Variants in DLG2 observed in about 807,000 individuals in gnomAD.
DLG2 encodes the protein discs large MAGUK scaffold protein 2, also known as disks large homolog 2.
DLG2 carries 45 observed loss-of-function variants against 132.5 expected under a neutral mutation model. The ratio of observed to expected loss-of-function variants is 0.34; its 90% CI spans 0.27 to 0.44. DLG2 has a LOEUF of 0.44. DLG2 is among the 20% of genes least tolerant of loss of function. The pLI is 1.00. For synonymous variants in DLG2, 424 were observed against 419.6 expected (o/e 1.01, Z -0.13); for missense variants, 1,045 against 1,196.9 (o/e 0.87, Z 1.87).
chr11:84,773,141 A>G (rs2069721354), intron 6 of DLG2, among the ~76,000 whole-genome samples: 3 of 152,314 alleles, frequency 2.0e-5, no homozygotes, highest in African/African-American at 7.2e-5. Context: ...TCCAGAAACC[A>G]TTATGAACAC....
intron 6 of DLG2, among the ~76,000 whole-genome samples, chr11:84,840,952 G>A (rs1005004772): frequency 1.3e-5 from 2 of 150,118 alleles, no homozygotes; most frequent in Non-Finnish European, 3.0e-5. Context: ...ACAAACCTAC[G>A]TGTTGTGCTC....
chr11:85,062,186 C>A (rs1190163177), intron 6 of DLG2, among the ~76,000 whole-genome samples: 1 of 151,360 alleles, frequency 6.6e-6, no homozygotes, highest in Non-Finnish European at 1.5e-5. Flanking sequence ...GCTCTCTGAG[C>A]AATTCAGAAA....
At chr11:85,160,120 C>T (rs545383419) in intron 4 of DLG2, among the ~76,000 whole-genome samples, 113 of 152,168 alleles carry the variant, frequency 7.4e-4, no homozygotes, top group Non-Finnish European at 1.2e-3. Flanking sequence ...CCTCCTACAA[C>T]CAAGAAGGAG....
chr11:85,253,152 C>T (rs1484451497), intron 4 of DLG2, among the ~76,000 whole-genome samples: 3 of 152,134 alleles, frequency 2.0e-5, no homozygotes, highest in South Asian at 2.1e-4. Context: ...ATGATTTCTA[C>T]ACATTTTCTA....
intron 6 of DLG2, among the ~76,000 whole-genome samples, chr11:84,814,539 C>A (rs1029404818): frequency 5.9e-5 from 9 of 152,006 alleles, no homozygotes; most frequent in African/African-American, 1.9e-4. Context: ...GCCTTCCAGC[C>A]CCCACTGTTA....
At chr11:83,582,506 C>A (rs955996779) in intron 19 of DLG2, among the ~76,000 whole-genome samples, 4 of 152,194 alleles carry the variant, frequency 2.6e-5, no homozygotes, top group Non-Finnish European at 5.9e-5. Context: ...AAGACATTCT[C>A]AGTATCCTCA....
intron 9 of DLG2, among the ~76,000 whole-genome samples, chr11:84,157,512 C>T (rs577516204): frequency 6.6e-6 from 1 of 152,266 alleles, no homozygotes; most frequent in East Asian, 1.9e-4. Context: ...TTCTCTGCAG[C>T]TTCAGACTAC....
intron 6 of DLG2, among the ~76,000 whole-genome samples, chr11:84,998,073 G>A (rs978739786): frequency 6.6e-6 from 1 of 151,884 alleles, no homozygotes; most frequent in Admixed American, 6.6e-5. Context: ...CTTCGCATAT[G>A]GTACCTCATA....
intron 3 of DLG2, among the ~76,000 whole-genome samples, chr11:85,341,322 G>A (rs369906103): frequency 7.9e-5 from 12 of 152,074 alleles, no homozygotes; most frequent in South Asian, 2.1e-4. Context: ...GGGTTTCACC[G>A]TGTTAGCCAA....
At chr11:84,338,921 C>A (rs2098501219) in intron 7 of DLG2, among the ~76,000 whole-genome samples, 1 of 152,142 alleles carries the variant, frequency 6.6e-6, no homozygotes, top group South Asian at 2.1e-4. Flanking sequence ...TATCATTTTA[C>A]TAGTCATAAA....
chr11:85,595,101 C>G (rs1043148582), intron 3 of DLG2, among the ~76,000 whole-genome samples: 2 of 147,912 alleles, frequency 1.4e-5, no homozygotes. Flanking sequence ...AATCTTGCTT[C>G]TTTATCACCT....
chr11:83,854,766 A>T (rs560235849), intron 16 of DLG2, among the ~76,000 whole-genome samples: 1 of 152,230 alleles, frequency 6.6e-6, no homozygotes, highest in South Asian at 2.1e-4. Context: ...TTATTTTATT[A>T]AAATAGAACA....
At chr11:83,845,812 G>GTAAC (rs2058505856) in intron 16 of DLG2, among the ~76,000 whole-genome samples, 1 of 152,168 alleles carries the variant, frequency 6.6e-6, no homozygotes, top group South Asian at 2.1e-4. Flanking sequence ...AAATACTTGA[G>GTAAC]TAACCTTGGT....
chr11:83,741,000 A>T (rs1284721109), intron 18 of DLG2, among the ~76,000 whole-genome samples: 1 of 152,190 alleles, frequency 6.6e-6, no homozygotes, highest in Non-Finnish European at 1.5e-5. Context: ...TTGGTTCAAC[A>T]TACCCAAATC....
intron 7 of DLG2, among the ~76,000 whole-genome samples, chr11:84,505,438 A>C (rs1567816137): frequency 6.6e-6 from 1 of 152,182 alleles, no homozygotes; most frequent in East Asian, 1.9e-4. Context: ...TAAGTAATAT[A>C]TTTGGGACTA....
At chr11:84,949,740 G>A (rs1041908911) in intron 6 of DLG2, among the ~76,000 whole-genome samples, 1 of 152,070 alleles carries the variant, frequency 6.6e-6, no homozygotes, top group Non-Finnish European at 1.5e-5. Flanking sequence ...TCATTTTTCA[G>A]GGTGCCCACA....
At chr11:84,842,114 C>T (rs2080774320) in intron 6 of DLG2, among the ~76,000 whole-genome samples, 1 of 151,976 alleles carries the variant, frequency 6.6e-6, no homozygotes, top group Admixed American at 6.6e-5. Flanking sequence ...CTTTACCTAT[C>T]AATCTTGCTA....
chr11:84,580,551 A>T (rs1163831804), intron 6 of DLG2, among the ~76,000 whole-genome samples: 1 of 152,216 alleles, frequency 6.6e-6, no homozygotes, highest in Non-Finnish European at 1.5e-5. Flanking sequence ...CCCATTCAAG[A>T]GGTCAACCTA....
intron 3 of DLG2, among the ~76,000 whole-genome samples, chr11:85,486,776 T>A (rs2093438490): frequency 6.6e-6 from 1 of 151,810 alleles, no homozygotes; most frequent in Non-Finnish European, 1.5e-5. Flanking sequence ...CCTGAGTGCC[T>A]GCCCACAAGC....
Sources: allele counts gnomAD v4.1 joint callset (sites outside exome capture counted in the v4.1 genomes callset), GRCh38; gene constraint gnomAD v4.1.1; transcripts MANE v1.5; gene names NCBI Gene and HGNC (gene_info 2026-07-23, HGNC 2026-07-21).